Variants in SHOX2 observed in about 807,000 individuals in gnomAD.
SHOX2 encodes SHOX homeobox 2, also known as short stature homeobox protein 2.
Under a neutral mutation model 31.3 loss-of-function variants are expected in SHOX2, and 13 were observed. The observed-to-expected ratio is 0.42, with a 90% CI of 0.27 to 0.66. The LOEUF is 0.66. Among genes scored for constraint, SHOX2 ranks in the 30% least tolerant of loss-of-function variants. The pLI is 0.27. For synonymous variants in SHOX2, 244 were observed against 196.2 expected (o/e 1.24, Z -2.04); for missense variants, 473 against 443.0 (o/e 1.07, Z -0.61).
chr3:158,102,067 G>C (rs1017007023), intron 2 of SHOX2, among the ~76,000 whole-genome samples: 11 of 152,172 alleles, frequency 7.2e-5, no homozygotes, highest in African/African-American at 2.4e-4. Flanking sequence ...CGTTGCCTTG[G>C]TTAAATGAAT....
rs766444261 is a variant in SHOX2 at position 158,105,714 on chromosome 3, C to G, written c.311G>C (p.Arg104Thr). ...VRELDMGAAERSREPGSPRLT... is the reference protein window; with the variant it reads ...VRELDMGAAETSREPGSPRLT... The stretch of plus-strand genomic sequence containing the variant: ...TCGCGGGCTGCCCGGCTCCCTGCTT[C>G]TCTCGGCGGCGCCCATGTCCAGCTC... Residue 104 changes from arginine (R) to threonine (T), a missense_variant, in exon 1 of 5, where the codon AGA (arginine) becomes ACA (threonine). This residue lies in a region of SHOX2 where 276 missense variants were observed against 230.0 expected (regional missense o/e 1.20). Coordinates refer to ENST00000483851, the MANE Select transcript of SHOX2 (RefSeq NM_001163678.2). The G allele has an allele frequency of 7.9e-6, 12 of 1,522,042 alleles. No individual in the cohort carries two copies. The highest frequency in any genetic ancestry group is 1.1e-5 in the Non-Finnish European group (12 of 1,136,500). The allele number at this position is 1,522,042 out of a possible 1,614,324, so 94.3% of individuals were successfully genotyped here.
rs541958380 is a variant in SHOX2, at chr3:158,096,550, A to G, written c.*1477T>C. 2 of 152,702 alleles carry G rather than the reference A, an allele frequency of 1.3e-5. No individual in the cohort carries two copies. The highest frequency in any genetic ancestry group is 2.1e-4 in the South Asian group (1 of 4,826). The allele number at this position is 152,702 out of a possible 1,614,324, so 9.5% of individuals were successfully genotyped here. ...ATAAACTTTGTTCGTGTGTATCAAC[A>G]TATCTTACACAAACCTAGTGCCTGT... On this transcript the variant is annotated 3_prime_UTR_variant, in exon 5 of 5. Coordinates refer to ENST00000483851, the MANE Select transcript of SHOX2 (RefSeq NM_001163678.2).
At chr3:158,105,321 C>T (rs1401741697) in intron 1 of SHOX2, 9 of 593,574 alleles carry the variant, frequency 1.5e-5, no homozygotes, top group Admixed American at 3.0e-5. Flanking sequence ...TCAGCACCCC[C>T]TCCTGCAGCC....
Position 158,105,983 on chromosome 3 carries a change from C to G in SHOX2, c.42G>C (p.Gln14His), listed in dbSNP as rs376757024. 1 of 1,613,098 alleles carries G rather than the reference C, an allele frequency of 6.2e-7. No homozygotes were observed. Among genetic ancestry groups the G allele is most frequent in the African/African-American group, 1.3e-5 (1 of 74,906 alleles). ...LTAFVSKSFD[Q>H]KVKEKKEAIT... is the part of the protein sequence containing the mutation. ...TCGCCTCCTTCTTCTCCTTCACTTT[C>G]TGGTCAAAAGACTTGGAGACGAACG... The change falls in exon 1 of 5, where the codon CAG becomes CAC. Residue 14 changes from glutamine to histidine, a missense_variant. Coordinates refer to ENST00000483851, the MANE Select transcript of SHOX2 (RefSeq NM_001163678.2).
chr3:158,096,298 A>C lies in SHOX2; in HGVS notation c.*1729T>G, dbSNP rs1713064538. 6.6e-6 allele frequency: 1 copy of C among 152,276 alleles called. No homozygotes were observed. The highest frequency in any genetic ancestry group is 1.5e-5 in the Non-Finnish European group (1 of 68,038). 9.4% of individuals were successfully genotyped at this position (152,276 alleles called of 1,614,324 possible). Reference sequence around the variant, plus strand: ...TTGTAAATTAGAAGGTAAAACAAAAACAAAAACAAAACCCCACAAACTTAG... The same window carrying C: ...TTGTAAATTAGAAGGTAAAACAAAACCAAAAACAAAACCCCACAAACTTAG... On this transcript the variant is annotated 3_prime_UTR_variant, in exon 5 of 5. Coordinates refer to ENST00000483851, the MANE Select transcript of SHOX2 (RefSeq NM_001163678.2).
At position 158,102,837 on chromosome 3, in the gene SHOX2, G is replaced by A; in HGVS notation, c.396C>T (p.Asp132=). The A allele has an allele frequency of 1.2e-6, 2 of 1,613,946 alleles. No homozygotes were observed. The highest frequency in any genetic ancestry group is 1.7e-6 in the Non-Finnish European group (2 of 1,180,012). The change falls in exon 2 of 5, where the codon GAC becomes GAT. Residue 132 remains aspartate (D), a synonymous_variant. Coordinates refer to ENST00000483851, the MANE Select transcript of SHOX2 (RefSeq NM_001163678.2). ...TCTGCTTGATTTTGGTCTGGCCTTC[G>A]TCCTCCATCCCTTTCGCATCCTCTT... The part of the protein sequence containing the change: ...DRKEDAKGME[D]EGQTKIKQRR...
chr3:158,105,185 C>T (rs2108132508), intron 1 of SHOX2: 2 of 1,140,226 alleles, frequency 1.8e-6, no homozygotes, highest in Non-Finnish European at 2.6e-6. Context: ...AGGGGCTCTG[C>T]GGAGTTCGAG....
In SHOX2 at chr3:158,096,931, T is replaced by TATATA. The variant is rs1553753390; in HGVS notation, c.*1095_*1096insTATAT. The TATATA allele has an allele frequency of 1.2e-5, 1 of 80,602 alleles. No homozygotes were observed. Among genetic ancestry groups the TATATA allele is most frequent in the Non-Finnish European group, 2.7e-5 (1 of 37,474 alleles). 5.0% of individuals were successfully genotyped at this position (80,602 alleles called of 1,614,324 possible). A position where few individuals can be genotyped will look rare whatever the true frequency, so the allele number is the denominator to read the frequency against. The stretch of plus-strand genomic sequence containing the variant: ...ATATATATATATATATATATATATA[T>TATATA]GGCAAATATATGATATATATATATG... On this transcript the variant is annotated 3_prime_UTR_variant, in exon 5 of 5. Transcript: ENST00000483851.
rs1041205485 is a variant in SHOX2 at position 158,105,839 on chromosome 3, G to GCCT, written c.183_185dup (p.Gly77dup). On this transcript the variant is annotated inframe_insertion, in exon 1 of 5. Transcript: ENST00000483851. Reference sequence around the variant, plus strand: ...CGCCGCCTCCGCCTCCTCCGCCGCCGCCTCCGCCGGCCGCCCGGACTGCCG... The same window carrying GCCT: ...CGCCGCCTCCGCCTCCTCCGCCGCCGCCTCCTCCGCCGGCCGCCCGGACTGCCG... 1.9e-5 allele frequency: 27 copies of GCCT among 1,432,736 alleles called. No homozygotes were observed. Among genetic ancestry groups the GCCT allele is most frequent in the Non-Finnish European group, 1.0e-5 (11 of 1,097,600 alleles). 88.8% of individuals were successfully genotyped at this position (1,432,736 alleles called of 1,614,324 possible). A position where few individuals can be genotyped will look rare whatever the true frequency, so the allele number is the denominator to read the frequency against.
intron 4 of SHOX2, 95 bp from the exon 5 acceptor site, chr3:158,098,379 G>A (rs758729207): frequency 3.3e-6 from 5 of 1,498,800 alleles, no homozygotes; most frequent in South Asian, 1.3e-5. Flanking sequence ...GCCAGAGAGA[G>A]AGTTGGGTTG....
chr3:158,096,889 A>AAT lies in SHOX2; in HGVS notation c.*1136_*1137dup, dbSNP rs769658802. 0.052 allele frequency: 1,193 copies of AAT among 22,840 alleles called. 58 individuals are homozygous for AAT. Among genetic ancestry groups the AAT allele is most frequent in the Non-Finnish European group, 0.06 (727 of 12,136 alleles). The allele number at this position is 22,840 out of a possible 1,614,324, so 1.4% of individuals were successfully genotyped here. A position where few individuals can be genotyped will look rare whatever the true frequency, so the allele number is the denominator to read the frequency against. On this transcript the variant is annotated 3_prime_UTR_variant, in exon 5 of 5. Coordinates refer to ENST00000483851, the MANE Select transcript of SHOX2 (RefSeq NM_001163678.2). ...GTTCCCCAGGATCAAAGACAGGGCA[A>AAT]ATATATATATATATATATATATATA...
At chr3:158,099,529 C>G (rs1371911189) in intron 4 of SHOX2, among the ~76,000 whole-genome samples, 1 of 152,200 alleles carries the variant, frequency 6.6e-6, no homozygotes, top group Non-Finnish European at 1.5e-5. Flanking sequence ...TACCTTAGGA[C>G]TAACCTCTGT....
At position 158,102,804 on chromosome 3, in the gene SHOX2, A is replaced by G; in HGVS notation, c.429T>C (p.Ser143=). Residue 143 remains serine, a synonymous_variant, in exon 2 of 5, where the codon AGT becomes AGC. Coordinates refer to ENST00000483851, the MANE Select transcript of SHOX2 (RefSeq NM_001163678.2). The part of the protein sequence containing the change: ...EGQTKIKQRR[S]RTNFTLEQLN... The stretch of plus-strand genomic sequence containing the variant: ...GTTGTTCCAGGGTGAAATTGGTCCG[A>G]CTTCGCCTCTGCTTGATTTTGGTCT... 6.2e-7 allele frequency: 1 copy of G among 1,613,948 alleles called. No homozygotes were observed. The highest frequency in any genetic ancestry group is 8.5e-7 in the Non-Finnish European group (1 of 1,179,996).
At position 158,096,219 on chromosome 3, in the gene SHOX2, G is replaced by C. The variant is rs1196089392; in HGVS notation, c.*1808C>G. ...ATTTTGTTTTCATGGAGAACAAATA[G>C]TTACAAAGCTCAACCGCATACCAAA... On this transcript the variant is annotated 3_prime_UTR_variant, in exon 5 of 5. Coordinates refer to ENST00000483851, the MANE Select transcript of SHOX2 (RefSeq NM_001163678.2). 6 of 152,324 alleles carry C rather than the reference G, an allele frequency of 3.9e-5. No homozygotes were observed. The highest frequency in any genetic ancestry group is 3.9e-4 in the Admixed American group (6 of 15,282). 9.4% of individuals were successfully genotyped at this position (152,324 alleles called of 1,614,324 possible). A position where few individuals can be genotyped will look rare whatever the true frequency, so the allele number is the denominator to read the frequency against.
rs750911056 is a variant in SHOX2 at position 158,105,938 on chromosome 3, C to G, written c.87G>C (p.Leu29=). 6.2e-7 allele frequency: 1 copy of G among 1,611,704 alleles called. No homozygotes were observed. The highest frequency in any genetic ancestry group is 1.1e-5 in the South Asian group (1 of 91,054). Residue 29 remains leucine (L), a synonymous_variant, in exon 1 of 5, where the codon CTG becomes CTC. Coordinates refer to ENST00000483851, the MANE Select transcript of SHOX2 (RefSeq NM_001163678.2). The part of the protein sequence containing the change: ...KKEAITYREV[L]ESGPLRGAKE... ...TGGCCCCGCGCAGCGGCCCGCTCTC[C>G]AGCACCTCCCGGTACGTGATCGCCT...
At chr3:158,102,629 C>G (rs1306908267) in intron 2 of SHOX2, 49 bp downstream of exon 2, 2 of 1,532,460 alleles carry the variant, frequency 1.3e-6, no homozygotes, top group Admixed American at 3.3e-5. Context: ...CTTTCCAACC[C>G]CAGGCTCTCT....
chr3:158,100,931 A>G (rs562910630), intron 2 of SHOX2, among the ~76,000 whole-genome samples: 1 of 152,248 alleles, frequency 6.6e-6, no homozygotes, highest in Non-Finnish European at 1.5e-5. Flanking sequence ...ATAGTAGGAA[A>G]ACATCTAGAA....
intron 4 of SHOX2, among the ~76,000 whole-genome samples, chr3:158,099,257 AGGCTGTCCTTT>A (rs1713330118): frequency 6.6e-6 from 1 of 152,238 alleles, no homozygotes. Context: ...TCATTGCTGC[AGGCTGTCCTTT>A]TAAAATGTAC....
Position 158,097,198 on chromosome 3 carries a change from A to C in SHOX2, c.*829T>G, listed in dbSNP as rs569681368. 2 of 151,940 alleles carry C rather than the reference A, an allele frequency of 1.3e-5. No individual in the cohort carries two copies. The highest frequency in any genetic ancestry group is 4.8e-5 in the African/African-American group (2 of 41,266). The allele number at this position is 151,940 out of a possible 1,614,324, so 9.4% of individuals were successfully genotyped here. A position where few individuals can be genotyped will look rare whatever the true frequency, so the allele number is the denominator to read the frequency against. On this transcript the variant is annotated 3_prime_UTR_variant, in exon 5 of 5. Coordinates refer to ENST00000483851, the MANE Select transcript of SHOX2 (RefSeq NM_001163678.2). ...TATTATTTTTCTCTCTCCTCGTTTT[A>C]ATATTTTCTCTTTTCTTGCTCTTCC...
Sources: allele counts gnomAD v4.1 joint callset (sites outside exome capture counted in the v4.1 genomes callset), GRCh38; gene constraint gnomAD v4.1.1; regional missense constraint gnomAD v4.1.1; transcripts MANE v1.5; gene names NCBI Gene and HGNC (gene_info 2026-07-23, HGNC 2026-07-21).